Variants in PPP2R2A observed in about 807,000 individuals in gnomAD.
The protein encoded by PPP2R2A is serine/threonine-protein phosphatase 2A 55 kDa regulatory subunit B alpha isoform.
A neutral mutation model predicts 53.2 loss-of-function variants in PPP2R2A; 9 were observed. The ratio of observed to expected loss-of-function variants is 0.17; its 90% CI spans 0.10 to 0.30. The LOEUF (loss-of-function observed/expected upper bound fraction) is 0.30. Among genes scored for constraint, PPP2R2A ranks in the 10% least tolerant of loss-of-function variants. The pLI is 1.00. For synonymous variants in PPP2R2A, 169 were observed against 174.2 expected, an observed-to-expected ratio of 0.97 and a Z score of 0.23; for missense variants, 235 against 534.6, an observed-to-expected ratio of 0.44 and a Z score of 5.53.
In PPP2R2A at chr8:26,362,920, A is replaced by G; in HGVS notation, c.802+72A>G. The G allele has an allele frequency of 6.9e-7, 1 of 1,448,578 alleles. No homozygotes were observed. Among genetic ancestry groups the G allele is most frequent in the Admixed American group, 1.9e-5 (1 of 52,620 alleles). 89.7% of individuals were successfully genotyped at this position (1,448,578 alleles called of 1,614,324 possible). A position where few individuals can be genotyped will look rare whatever the true frequency, so the allele number is the denominator to read the frequency against. Reference sequence around the variant, plus strand: ...TCTGAAATAAGCCTCAGACATGATAAGTACAATTACAGAGGTTCAAAGTCT... The same window carrying G: ...TCTGAAATAAGCCTCAGACATGATAGGTACAATTACAGAGGTTCAAAGTCT... On this transcript the variant is annotated intron_variant, in intron 7 of 9. Transcript: ENST00000380737. The surrounding 1 kb of genome is among the most constrained non-coding windows in gnomAD (Gnocchi z 4.4).
chr8:26,363,229 AC>A (rs60744740), intron 7 of PPP2R2A: 23,990 of 147,976 alleles, frequency 0.16, 2,236 homozygotes, highest in Middle Eastern at 0.3. Flanking sequence ...AAAAAAAAAA[AC>A]AACTTTGGTT....
intron 2 of PPP2R2A, among the ~76,000 whole-genome samples, chr8:26,320,084 A>G (rs1802760790): frequency 6.6e-6 from 1 of 152,278 alleles, no homozygotes; most frequent in Non-Finnish European, 1.5e-5. Context: ...CTTTCTTTCA[A>G]CACCTCACCT....
intron 6 of PPP2R2A, among the ~76,000 whole-genome samples, chr8:26,361,529 C>G (rs1805081169): frequency 6.6e-6 from 1 of 151,882 alleles, no homozygotes. Context: ...TCACTTGAGG[C>G]CAGGAGTTCA....
intron 2 of PPP2R2A, among the ~76,000 whole-genome samples, chr8:26,330,951 A>G (rs1803338076): frequency 6.6e-6 from 1 of 152,188 alleles, no homozygotes; most frequent in Non-Finnish European, 1.5e-5. Flanking sequence ...TAGCCTGATT[A>G]CTAAGGTGTG....
Position 26,370,639 on chromosome 8 carries a change from T to A in PPP2R2A, c.*226T>A. ...CATTTAGGTAAGGGTAGGGCACTTT[T>A]AATTTAAATGACTTCTTGCACCATC... On this transcript the variant is annotated 3_prime_UTR_variant, in exon 10 of 10. Transcript: ENST00000380737. The surrounding 1 kb of genome is among the most constrained non-coding windows in gnomAD (Gnocchi z 6.1). 1.8e-6 allele frequency: 1 copy of A among 566,848 alleles called. No individual in the cohort carries two copies. The highest frequency in any genetic ancestry group is 3.1e-6 in the Non-Finnish European group (1 of 319,736). The allele number at this position is 566,848 out of a possible 1,614,324, so 35.1% of individuals were successfully genotyped here. A position where few individuals can be genotyped will look rare whatever the true frequency, so the allele number is the denominator to read the frequency against.
At chr8:26,299,026 G>A (rs566882092) in intron 2 of PPP2R2A, among the ~76,000 whole-genome samples, 33 of 152,250 alleles carry the variant, frequency 2.2e-4, no homozygotes, top group Non-Finnish European at 4.7e-4. Flanking sequence ...TGTAATCCCA[G>A]CACTTTGGGA....
intron 2 of PPP2R2A, among the ~76,000 whole-genome samples, chr8:26,300,584 G>A (rs1290406655): frequency 3.9e-5 from 6 of 152,116 alleles, no homozygotes; most frequent in South Asian, 2.1e-4. Context: ...GGCGGGGCGC[G>A]GTGGCTCACG....
intron 3 of PPP2R2A, among the ~76,000 whole-genome samples, chr8:26,349,560 C>T (rs1459802182): frequency 6.6e-6 from 1 of 152,126 alleles, no homozygotes; most frequent in African/African-American, 2.4e-5. Context: ...GAGGAATCTC[C>T]ACGTTGTTTT....
chr8:26,371,390 G>A lies in PPP2R2A; in HGVS notation c.*977G>A, dbSNP rs1805662415. The A allele has an allele frequency of 6.8e-6, 1 of 146,122 alleles. No individual in the cohort carries two copies. Among genetic ancestry groups the A allele is most frequent in the Non-Finnish European group, 1.5e-5 (1 of 66,762 alleles). The allele number at this position is 146,122 out of a possible 1,614,324, so 9.1% of individuals were successfully genotyped here. Reference sequence around the variant, plus strand: ...TTTTTTTTACCATCATGAGGGTATTGGATACATTGTGTCTCTATTTAACTC... The same window carrying A: ...TTTTTTTTACCATCATGAGGGTATTAGATACATTGTGTCTCTATTTAACTC... On this transcript the variant is annotated 3_prime_UTR_variant, in exon 10 of 10. Coordinates refer to ENST00000380737, the MANE Select transcript of PPP2R2A (RefSeq NM_002717.4).
chr8:26,338,819 G>A lies in PPP2R2A; in HGVS notation c.83-71G>A, dbSNP rs537600242. The stretch of plus-strand genomic sequence containing the variant: ...AGACTTGGAATGTTTGGGAAAACAC[G>A]CTAAGTTCTGAAACTAGTGAGTCGG... On this transcript the variant is annotated intron_variant, in intron 2 of 9. Coordinates refer to ENST00000380737, the MANE Select transcript of PPP2R2A (RefSeq NM_002717.4). This position sits in a 1 kb window ranked among gnomAD's most constrained non-coding sequence, Gnocchi z 4.5. The A allele has an allele frequency of 2.6e-5, 27 of 1,053,178 alleles. No homozygotes were observed. In the African/African-American group the frequency reaches 3.2e-4, roughly 12 times the overall value. The allele number at this position is 1,053,178 out of a possible 1,614,324, so 65.2% of individuals were successfully genotyped here.
intron 8 of PPP2R2A, among the ~76,000 whole-genome samples, chr8:26,364,506 C>CAGCTGTG (rs1585412781): frequency 6.6e-6 from 1 of 152,306 alleles, no homozygotes; most frequent in East Asian, 1.9e-4. Context: ...CAGCCTGGAA[C>CAGCTGTG]AGGGTGAGGG....
At position 26,372,098 on chromosome 8, in the gene PPP2R2A, T is replaced by C. The variant is rs1805687845; in HGVS notation, c.*1685T>C. The C allele has an allele frequency of 6.6e-6, 1 of 152,218 alleles. No homozygotes were observed. The allele number at this position is 152,218 out of a possible 1,614,324, so 9.4% of individuals were successfully genotyped here. A position where few individuals can be genotyped will look rare whatever the true frequency, so the allele number is the denominator to read the frequency against. On this transcript the variant is annotated 3_prime_UTR_variant, in exon 10 of 10. Coordinates refer to ENST00000380737, the MANE Select transcript of PPP2R2A (RefSeq NM_002717.4). ...GTGATTCCCTCTACTACAAATATTA[T>C]GTCTTGTAAGTTAGCATTTTTAGCA...
Position 26,314,736 on chromosome 8 carries a change from T to A in PPP2R2A, c.82+20996T>A, listed in dbSNP as rs370171916. On this transcript the variant is annotated intron_variant, in intron 2 of 9. Transcript: ENST00000380737. ...CCTTTCTGGATGATGTGCTTTGGTG[T>A]GGGTCTTTTTCATTAATTGGACTCG... Among the ~76,000 whole-genome samples, 16 of 152,308 alleles carry A rather than the reference T, an allele frequency of 1.1e-4. No homozygotes were observed. The East Asian group carries it at 2.7e-3, about 26-fold the overall frequency.
intron 4 of PPP2R2A, among the ~76,000 whole-genome samples, chr8:26,355,048 CAATA>C (rs1804700537): frequency 6.6e-6 from 1 of 152,140 alleles, no homozygotes; most frequent in African/African-American, 2.4e-5. Flanking sequence ...TGCAAGTGCT[CAATA>C]AATGTTAATT....
chr8:26,296,330 C>T (rs1214623398), intron 2 of PPP2R2A, among the ~76,000 whole-genome samples: 1 of 152,184 alleles, frequency 6.6e-6, no homozygotes, highest in Non-Finnish European at 1.5e-5. Flanking sequence ...CCTCTGCTCT[C>T]AGTTTATTTG....
intron 8 of PPP2R2A, 100 bp downstream of exon 8, chr8:26,363,990 T>G: frequency 9.0e-7 from 1 of 1,115,984 alleles, no homozygotes; most frequent in African/African-American, 1.6e-5. Context: ...GTATGGTGTT[T>G]GTTCACCATT....
chr8:26,345,097 T>C (rs1461979362), intron 3 of PPP2R2A, among the ~76,000 whole-genome samples: 1 of 152,172 alleles, frequency 6.6e-6, no homozygotes, highest in Non-Finnish European at 1.5e-5. Flanking sequence ...TCCACTTGTG[T>C]CATGTTGACA....
intron 3 of PPP2R2A, among the ~76,000 whole-genome samples, chr8:26,349,902 C>T (rs544472798): frequency 2.7e-4 from 41 of 152,322 alleles, no homozygotes; most frequent in African/African-American, 9.1e-4. Flanking sequence ...GGTAGGCATT[C>T]ACTGTTAGCA....
intron 3 of PPP2R2A, among the ~76,000 whole-genome samples, chr8:26,339,363 T>TC: frequency 2.0e-5 from 3 of 152,150 alleles, no homozygotes; most frequent in Non-Finnish European, 4.4e-5. Context: ...GTTTACTTTG[T>TC]ACAATTGAGG....
Sources: allele counts gnomAD v4.1 joint callset (sites outside exome capture counted in the v4.1 genomes callset), GRCh38; gene constraint gnomAD v4.1.1; non-coding constraint Gnocchi (gnomAD v3.1); transcripts MANE v1.5; gene names NCBI Gene and HGNC (gene_info 2026-07-23, HGNC 2026-07-21).